The following ABCA10 variants were observed in gnomAD, a reference collection of about 807,000 sequenced individuals.
The protein encoded by ABCA10 is ATP-binding cassette sub-family A member 10.
ABCA10 carries 169 observed loss-of-function variants against 187.5 expected under a neutral mutation model. The observed-to-expected ratio is 0.90, with a 90% CI of 0.80 to 1.02. The LOEUF is 1.02. Among genes scored for constraint, ABCA10 ranks in the 50% least tolerant of loss-of-function variants. The probability of loss-of-function intolerance (pLI) is 0.00; values close to 1 mark genes in which losing one functional copy is unlikely to be tolerated. For synonymous variants in ABCA10, 574 were observed against 601.8 expected, an observed-to-expected ratio of 0.95 and a Z score of 0.68; for missense variants, 1,727 against 1,812.4, an observed-to-expected ratio of 0.95 and a Z score of 0.86.
intron 34 of ABCA10, 59 bp from the exon 35 acceptor site, chr17:69,152,540 T>A: frequency 6.5e-7 from 1 of 1,545,084 alleles, no homozygotes; most frequent in Middle Eastern, 1.7e-4. Flanking sequence ...AATAGATAAA[T>A]AGAAAAAAGC....
At chr17:69,181,287 T>C (rs892641171) in intron 22 of ABCA10, among the ~76,000 whole-genome samples, 1 of 152,192 alleles carries the variant, frequency 6.6e-6, no homozygotes, top group African/African-American at 2.4e-5. Context: ...ATTCTTCATT[T>C]CCAACCAAAT....
At position 69,196,185 on chromosome 17, in the gene ABCA10, C is replaced by T. The variant is rs560930366; in HGVS notation, c.1234+879G>A. The stretch of plus-strand genomic sequence containing the variant: ...CTCCCTCCCGGACTGGGCGGCTGGC[C>T]GGGCAGGGGCTGCCCCCCACCTCCT... On this transcript the variant is annotated intron_variant, in intron 11 of 38. Coordinates refer to ENST00000690296, the MANE Select transcript of ABCA10 (RefSeq NM_001377321.1). The T allele has an allele frequency of 2.4e-3, 381 of 157,364 alleles. 3 individuals carry two copies. Among genetic ancestry groups the T allele is most frequent in the African/African-American group, 8.9e-3 (367 of 41,370 alleles). The allele number at this position is 157,364 out of a possible 1,614,324, so 9.7% of individuals were successfully genotyped here.
chr17:69,175,611 G>T (rs2074328883), intron 22 of ABCA10, 98 bp from the exon 23 acceptor site: 16 of 888,772 alleles, frequency 1.8e-5, no homozygotes. Context: ...AACTCTAGAA[G>T]CATTCACCTG....
At chr17:69,170,213 G>A (rs1043620350) in intron 25 of ABCA10, among the ~76,000 whole-genome samples, 39 of 151,246 alleles carry the variant, frequency 2.6e-4, no homozygotes, top group African/African-American at 8.3e-4. Context: ...ACTTGAACCC[G>A]CGAGGTGAAG....
chr17:69,184,390 G>C (rs2074404613), intron 20 of ABCA10, among the ~76,000 whole-genome samples: 1 of 151,996 alleles, frequency 6.6e-6, no homozygotes, highest in Non-Finnish European at 1.5e-5. Context: ...ATGCTCTCTT[G>C]AAAGTGCCAC....
At chr17:69,173,180 A>AT (rs2074310086) in intron 25 of ABCA10, among the ~76,000 whole-genome samples, 1 of 152,198 alleles carries the variant, frequency 6.6e-6, no homozygotes, top group Non-Finnish European at 1.5e-5. Context: ...TTAAGAAGAC[A>AT]TTACCCTTGG....
At chr17:69,215,573 C>A in intron 8 of ABCA10, 1 of 338,642 alleles carries the variant, frequency 3.0e-6, no homozygotes, top group Admixed American at 4.9e-5. Context: ...AGATATTTCT[C>A]AGTGGTCAGA....
chr17:69,184,890 CACAT>C (rs1274034106), intron 20 of ABCA10, among the ~76,000 whole-genome samples: 6 of 146,976 alleles, frequency 4.1e-5, no homozygotes, highest in African/African-American at 1.5e-4. Flanking sequence ...TACACACACA[CACAT>C]ACATATATAT....
At chr17:69,219,835 C>T (rs1421411916) in intron 5 of ABCA10, 64 bp from the exon 6 acceptor site, 7 of 1,146,534 alleles carry the variant, frequency 6.1e-6, no homozygotes, top group Non-Finnish European at 7.3e-6. Context: ...GAAAACTATA[C>T]ACTTTTTATT....
intron 10 of ABCA10, 37 bp downstream of exon 10, chr17:69,201,463 C>A: frequency 5.4e-6 from 8 of 1,482,944 alleles, no homozygotes; most frequent in Non-Finnish European, 7.2e-6. Flanking sequence ...TAAGCTTTTA[C>A]CTATAAGTGT....
intron 10 of ABCA10, among the ~76,000 whole-genome samples, chr17:69,198,389 A>G (rs1325874549): frequency 1.3e-5 from 2 of 152,306 alleles, no homozygotes; most frequent in East Asian, 3.9e-4. Context: ...GCTAATGAGA[A>G]GAACTTGGGC....
At chr17:69,192,725 T>A in intron 15 of ABCA10, 72 bp from the exon 16 acceptor site, 5 of 1,284,016 alleles carry the variant, frequency 3.9e-6, no homozygotes, top group Non-Finnish European at 5.6e-6. Context: ...CTACTTTGGA[T>A]ACTAAAACAC....
At chr17:69,198,309 T>C (rs917709467) in intron 10 of ABCA10, among the ~76,000 whole-genome samples, 2 of 152,214 alleles carry the variant, frequency 1.3e-5, no homozygotes, top group African/African-American at 2.4e-5. Context: ...AACAGTCTCT[T>C]TCCTTCTGCA....
chr17:69,243,355 C>CT (rs2074917823), intron 1 of ABCA10, among the ~76,000 whole-genome samples: 1 of 152,228 alleles, frequency 6.6e-6, no homozygotes, highest in African/African-American at 2.4e-5. Context: ...CTATATGATA[C>CT]AGCCTGTTGG....
rs1421703508 is a variant in ABCA10 at position 69,148,595 on chromosome 17, C to T, written c.*232G>A. On this transcript the variant is annotated 3_prime_UTR_variant, in exon 39 of 39. Coordinates refer to ENST00000690296, the MANE Select transcript of ABCA10 (RefSeq NM_001377321.1). ...AAATTATTTTTAAGCACAAAATAGA[C>T]CCATGTTGGGGATGAATAACATGTC... 4.5e-6 allele frequency: 2 copies of T among 444,166 alleles called. No individual in the cohort carries two copies. The highest frequency in any genetic ancestry group is 2.0e-5 in the African/African-American group (1 of 49,482). 27.5% of individuals were successfully genotyped at this position (444,166 alleles called of 1,614,324 possible). A position where few individuals can be genotyped will look rare whatever the true frequency, so the allele number is the denominator to read the frequency against.
chr17:69,196,837 C>G (rs1378093241), intron 11 of ABCA10, among the ~76,000 whole-genome samples: 2 of 152,302 alleles, frequency 1.3e-5, no homozygotes, highest in East Asian at 3.9e-4. Context: ...ACGGCAAAAC[C>G]CCGTCTCCAC....
chr17:69,225,464 G>C lies in ABCA10; in HGVS notation c.-106C>G. 1 of 1,183,128 alleles carries C rather than the reference G, an allele frequency of 8.5e-7. No individual in the cohort carries two copies. The highest frequency in any genetic ancestry group is 1.2e-6 in the Non-Finnish European group (1 of 808,026). 73.3% of individuals were successfully genotyped at this position (1,183,128 alleles called of 1,614,324 possible). ...CTTTAGGAGGTTGTTCAGGAAAACGGGTAGCTCTGAAGTGTTCCGAAAAGA... is the reference window on the plus strand; with the variant it reads ...CTTTAGGAGGTTGTTCAGGAAAACGCGTAGCTCTGAAGTGTTCCGAAAAGA... On this transcript the variant is annotated 5_prime_UTR_variant, in exon 3 of 39. Coordinates refer to ENST00000690296, the MANE Select transcript of ABCA10 (RefSeq NM_001377321.1).
intron 18 of ABCA10, among the ~76,000 whole-genome samples, chr17:69,189,495 T>A (rs957132598): frequency 6.6e-6 from 1 of 152,214 alleles, no homozygotes; most frequent in Non-Finnish European, 1.5e-5. Context: ...GTTGATAGTT[T>A]CTTTTGCTGT....
intron 9 of ABCA10, among the ~76,000 whole-genome samples, chr17:69,205,119 C>T (rs1185297615): frequency 6.6e-6 from 1 of 151,790 alleles, no homozygotes; most frequent in Admixed American, 6.6e-5. Context: ...CACAGTGAGA[C>T]CCTGTCTCAA....
Sources: gnomAD v4.1 joint callset for allele counts (sites outside exome capture counted in the v4.1 genomes callset) on GRCh38, gnomAD v4.1.1 for gene constraint, MANE v1.5 for transcripts, NCBI Gene and HGNC (gene_info 2026-07-23, HGNC 2026-07-21) for gene names.